POC1B: variants seen among roughly 807,000 people sequenced by gnomAD.
The protein encoded by POC1B is POC1 centriolar protein homolog B.
POC1B carries 44 observed loss-of-function variants against 60.6 expected under a neutral mutation model. The ratio of observed to expected loss-of-function variants is 0.73; its 90% CI spans 0.57 to 0.93. The LOEUF is 0.93. POC1B is among the 40% of genes least tolerant of loss of function. The pLI is 0.00. For missense variants in POC1B, 555 were observed against 572.3 expected (o/e 0.97, Z 0.31); for synonymous variants, 180 against 198.9 (o/e 0.90, Z 0.80).
chr12:89,466,806 T>C lies in POC1B; in HGVS notation c.996A>G (p.Thr332=). The change falls in exon 9 of 12, where the codon ACA becomes ACG. Residue 332 remains threonine (T), a synonymous_variant. Transcript: ENST00000313546. ...PPHLLDIYPR[T]PHPHEEKVET... is the part of the protein sequence containing the mutation. ...CAACTTTTTCCTCATGGGGATGTGG[T>C]GTTCTTGGGTAGATATCAAGAAGAT... is the stretch of plus-strand genomic sequence containing the variant. 1 of 1,613,104 alleles carries C rather than the reference T, an allele frequency of 6.2e-7. No homozygotes were observed.
At chr12:89,410,960 T>C in the POC1B span, among the ~76,000 whole-genome samples, 2 of 152,134 alleles carry the variant, frequency 1.3e-5, no homozygotes, top group Non-Finnish European at 2.9e-5. Context: ...ATCACAAGCA[T>C]TCCTATACAC....
chr12:89,500,301 G>A, intron 2 of POC1B: 1 of 1,532,524 alleles, frequency 6.5e-7, no homozygotes, highest in Non-Finnish European at 9.0e-7. Context: ...AAAGACACTT[G>A]TATTCAGTCA....
intron 4 of POC1B, among the ~76,000 whole-genome samples, chr12:89,476,310 A>AGT (rs1450066755): frequency 2.0e-5 from 3 of 152,192 alleles, no homozygotes; most frequent in African/African-American, 7.2e-5. Flanking sequence ...TGGAATCTAC[A>AGT]GAGTTCCTGT....
Position 89,502,145 on chromosome 12 carries a change from T to C in POC1B, c.101-4803A>G, listed in dbSNP as rs1869605335. On this transcript the variant is annotated intron_variant, in intron 2 of 11. Coordinates refer to ENST00000313546, the MANE Select transcript of POC1B (RefSeq NM_172240.3). ...TCTGGAGAGCATAAGACTTCAGTTT[T>C]AGAGGAAAGTGGACCTTCCAGGCTC... 3 of 1,197,344 alleles carry C rather than the reference T, an allele frequency of 2.5e-6. No homozygotes were observed. The Admixed American group carries it at 5.2e-5, about 21-fold the overall frequency. The allele number at this position is 1,197,344 out of a possible 1,614,324, so 74.2% of individuals were successfully genotyped here. A position where few individuals can be genotyped will look rare whatever the true frequency, so the allele number is the denominator to read the frequency against.
At chr12:89,524,850 C>G in intron 2 of POC1B, 1 of 620,366 alleles carries the variant, frequency 1.6e-6, no homozygotes, top group Non-Finnish European at 2.8e-6. Context: ...CCCCTTCCCA[C>G]TCACTCCTCC....
intron 2 of POC1B, chr12:89,523,909 CCAAT>C (rs757123260): frequency 6.9e-6 from 11 of 1,595,724 alleles, no homozygotes; most frequent in Non-Finnish European, 8.5e-6. Context: ...GAAAGTGGCC[CCAAT>C]CAGACGGGCC....
chr12:89,451,080 T>TG (rs11461256), intron 10 of POC1B, among the ~76,000 whole-genome samples: 29,393 of 152,158 alleles, frequency 0.19, 3,253 homozygotes, highest in South Asian at 0.36. Context: ...TGCTGAGAGC[T>TG]GAGATGGTTT....
downstream of POC1B, among the ~76,000 whole-genome samples, chr12:89,418,822 A>G (rs779162872): frequency 6.6e-6 from 1 of 152,184 alleles, no homozygotes; most frequent in Non-Finnish European, 1.5e-5. Context: ...CTTCTTGTGC[A>G]GTGTGCAGAA....
intron 10 of POC1B, among the ~76,000 whole-genome samples, chr12:89,449,293 A>G (rs1235789663): frequency 2.0e-5 from 3 of 152,216 alleles, no homozygotes; most frequent in African/African-American, 7.2e-5. Flanking sequence ...CATGCTTAGT[A>G]GTAAAATGTT....
chr12:89,506,363 A>G (rs67661008), intron 2 of POC1B, among the ~76,000 whole-genome samples: 10,539 of 152,266 alleles, frequency 0.069, 900 homozygotes, highest in East Asian at 0.42. Flanking sequence ...AAAATACTCA[A>G]ATGTAGCTAT....
Position 89,525,972 on chromosome 12 carries a change from G to C in POC1B, c.-77C>G, listed in dbSNP as rs530695410. On this transcript the variant is annotated 5_prime_UTR_variant, in exon 1 of 12. Coordinates refer to ENST00000313546, the MANE Select transcript of POC1B (RefSeq NM_172240.3). ...GAGGGGAGAGGATGGGGAAGGAGAG[G>C]GGACCGTGCGGCTCCCGGAACCGTC... The C allele has an allele frequency of 9.1e-6, 14 of 1,545,354 alleles. No individual in the cohort carries two copies. Among genetic ancestry groups the C allele is most frequent in the Non-Finnish European group, 1.1e-5 (13 of 1,145,348 alleles).
rs183511412 is a variant in POC1B at position 89,501,598 on chromosome 12, C to A, written c.101-4256G>T. On this transcript the variant is annotated intron_variant, in intron 2 of 11. Coordinates refer to ENST00000313546, the MANE Select transcript of POC1B (RefSeq NM_172240.3). Reference sequence around the variant, plus strand: ...AGATAAGGAAGAATCTAAAAAGAAGCGCTTTTCTAGTGAGTCCAAGAACAA... The same window carrying A: ...AGATAAGGAAGAATCTAAAAAGAAGAGCTTTTCTAGTGAGTCCAAGAACAA... 531 of 1,374,812 alleles carry A rather than the reference C, an allele frequency of 3.9e-4. No homozygotes were observed. The African/African-American group carries it at 7.0e-3, about 18-fold the overall frequency. The allele number at this position is 1,374,812 out of a possible 1,614,324, so 85.2% of individuals were successfully genotyped here. A position where few individuals can be genotyped will look rare whatever the true frequency, so the allele number is the denominator to read the frequency against.
chr12:89,512,766 C>G (rs1464560166), intron 2 of POC1B, among the ~76,000 whole-genome samples: 1 of 152,074 alleles, frequency 6.6e-6, no homozygotes, highest in Non-Finnish European at 1.5e-5. Flanking sequence ...TTTATTTAAT[C>G]CTAACAACAA....
intron 10 of POC1B, among the ~76,000 whole-genome samples, chr12:89,455,347 A>C (rs999445459): frequency 6.6e-6 from 1 of 152,194 alleles, no homozygotes; most frequent in African/African-American, 2.4e-5. Context: ...AAAAAAGAAA[A>C]GAAAAAAGAA....
At chr12:89,472,546 T>A in intron 4 of POC1B, 1 of 286,994 alleles carries the variant, frequency 3.5e-6, no homozygotes, top group South Asian at 4.2e-5. Context: ...TTTTATTGCA[T>A]CTGCTTTGGG....
At chr12:89,523,733 G>C (rs1356626823) in intron 2 of POC1B, 19 of 1,547,952 alleles carry the variant, frequency 1.2e-5, no homozygotes, top group Non-Finnish European at 1.6e-5. Flanking sequence ...CCAATCATGG[G>C]CTCCCCTATC....
intron 4 of POC1B, among the ~76,000 whole-genome samples, chr12:89,486,004 G>C (rs1054944449): frequency 5.3e-5 from 8 of 151,994 alleles, no homozygotes; most frequent in African/African-American, 1.9e-4. Context: ...TGGTAAATAT[G>C]CCTTCCCTGA....
At position 89,467,684 on chromosome 12, in the gene POC1B, C is replaced by T. The variant is rs778407870; in HGVS notation, c.812G>A (p.Gly271Glu). The T allele has an allele frequency of 6.2e-7, 1 of 1,608,664 alleles. No individual in the cohort carries two copies. The highest frequency in any genetic ancestry group is 1.7e-5 in the Admixed American group (1 of 59,850). Residue 271 changes from glycine (G) to glutamate (E), a missense_variant and splice_region_variant, in exon 8 of 12, where the codon GGA (glycine) becomes GAA (glutamate). Physicochemically the swap from Gly to Glu is moderately conservative, Grantham distance 98. Coordinates refer to ENST00000313546, the MANE Select transcript of POC1B (RefSeq NM_172240.3). ...TGAAAATGAAACAGTAAAGACAGGT[C>T]CCTGAGAAATAAAGGGAAATAAAGA... The part of the protein sequence containing the change: ...RLIYTLQGHT[G>E]PVFTVSFSKG...
Position 89,431,487 on chromosome 12 carries a change from C to CA in POC1B, c.1114-6109_1114-6108insT, listed in dbSNP as rs1881029432. On this transcript the variant is annotated intron_variant, in intron 10 of 11. Coordinates refer to ENST00000313546, the MANE Select transcript of POC1B (RefSeq NM_172240.3). ...TGCACACACACACGTATGTATAAAA[C>CA]GTCTGCCTGAAATAGACTAGAATAA... 5.3e-5 allele frequency among the ~76,000 whole-genome samples: 8 copies of CA among 152,026 alleles called. No homozygotes were observed. In the South Asian group the frequency reaches 1.7e-3, roughly 32 times the overall value.
Sources: allele counts gnomAD v4.1 joint callset (sites outside exome capture counted in the v4.1 genomes callset), GRCh38; gene constraint gnomAD v4.1.1; transcripts MANE v1.5; gene names NCBI Gene and HGNC (gene_info 2026-07-23, HGNC 2026-07-21).